LRRC4C: variants seen among roughly 807,000 people sequenced by gnomAD.
LRRC4C encodes the protein leucine rich repeat containing 4C.
Under a neutral mutation model 33.6 loss-of-function variants are expected in LRRC4C, and 5 were observed. That is an observed-to-expected ratio of 0.15 (90% CI 0.08 to 0.31). LRRC4C has a LOEUF of 0.31. LRRC4C is among the 10% of genes least tolerant of loss of function. LRRC4C has a pLI of 1.00. For synonymous variants in LRRC4C, 329 were observed against 302.0 expected, an observed-to-expected ratio of 1.09 and a Z score of -0.93; for missense variants, 560 against 796.7, an observed-to-expected ratio of 0.70 and a Z score of 3.58.
At chr11:40,918,360 A>G (rs754600298) in intron 2 of LRRC4C, among the ~76,000 whole-genome samples, 2 of 151,624 alleles carry the variant, frequency 1.3e-5, no homozygotes, top group Non-Finnish European at 2.9e-5. Context: ...AGAGTGGGAT[A>G]CCTGCAAATG....
intron 1 of LRRC4C, among the ~76,000 whole-genome samples, chr11:41,228,464 G>A (rs1947640917): frequency 6.6e-6 from 1 of 152,100 alleles, no homozygotes; most frequent in African/African-American, 2.4e-5. Flanking sequence ...CATCACGGCT[G>A]TGAGACATCT....
chr11:40,347,770 G>C (rs1020417503), intron 3 of LRRC4C, among the ~76,000 whole-genome samples: 6 of 152,030 alleles, frequency 3.9e-5, no homozygotes, highest in Non-Finnish European at 8.8e-5. Context: ...CACCACACCT[G>C]GCTAATTTTA....
chr11:41,275,552 C>T (rs1264113373), intron 1 of LRRC4C, among the ~76,000 whole-genome samples: 5 of 152,166 alleles, frequency 3.3e-5, no homozygotes, highest in Non-Finnish European at 7.3e-5. Context: ...TTTAAGGCAG[C>T]TCACTGGGAG....
chr11:40,356,969 G>T (rs1947698548), intron 3 of LRRC4C, among the ~76,000 whole-genome samples: 1 of 152,164 alleles, frequency 6.6e-6, no homozygotes. Flanking sequence ...TAAGTAACTT[G>T]TTCAAGGTCA....
intron 3 of LRRC4C, among the ~76,000 whole-genome samples, chr11:40,455,340 T>C (rs1952081593): frequency 6.6e-6 from 1 of 152,206 alleles, no homozygotes; most frequent in Non-Finnish European, 1.5e-5. Flanking sequence ...CCTGTGTCCC[T>C]GCTCTCCAAG....
intron 3 of LRRC4C, among the ~76,000 whole-genome samples, chr11:40,600,942 C>A (rs1303420512): frequency 6.6e-6 from 1 of 152,142 alleles, no homozygotes; most frequent in African/African-American, 2.4e-5. Flanking sequence ...CATTTAGTGT[C>A]TTGTGTAGAA....
intron 3 of LRRC4C, among the ~76,000 whole-genome samples, chr11:40,379,178 C>A (rs1948769449): frequency 6.6e-6 from 1 of 151,910 alleles, no homozygotes. Flanking sequence ...AGTAGGAGAT[C>A]CTAACACAAA....
chr11:40,566,324 G>C (rs945358154), intron 3 of LRRC4C, among the ~76,000 whole-genome samples: 1 of 151,698 alleles, frequency 6.6e-6, no homozygotes, highest in Admixed American at 6.6e-5. Context: ...GACTTTTAGA[G>C]TTGCTCCTCG....
At chr11:40,412,725 C>T (rs1337441409) in intron 3 of LRRC4C, among the ~76,000 whole-genome samples, 1 of 152,038 alleles carries the variant, frequency 6.6e-6, no homozygotes, top group Non-Finnish European at 1.5e-5. Flanking sequence ...CGGAGTTAGG[C>T]TATGAAGGCT....
intron 3 of LRRC4C, among the ~76,000 whole-genome samples, chr11:40,456,654 T>C (rs1384884243): frequency 6.6e-6 from 1 of 151,978 alleles, no homozygotes; most frequent in Non-Finnish European, 1.5e-5. Context: ...CGTCTTTAGA[T>C]TGAAAAAATT....
At chr11:40,688,596 T>C (rs1251211387) in intron 2 of LRRC4C, among the ~76,000 whole-genome samples, 1 of 151,544 alleles carries the variant, frequency 6.6e-6, no homozygotes, top group African/African-American at 2.4e-5. Flanking sequence ...TGGCTGAGAG[T>C]CCGATTGCTG....
chr11:40,165,804 G>A (rs1017638364), intron 5 of LRRC4C, among the ~76,000 whole-genome samples: 1 of 152,116 alleles, frequency 6.6e-6, no homozygotes, highest in South Asian at 2.1e-4. Flanking sequence ...AATTAGCCGG[G>A]CGTGGTGGTG....
chr11:41,268,784 T>G (rs1949230970), intron 1 of LRRC4C, among the ~76,000 whole-genome samples: 1 of 152,016 alleles, frequency 6.6e-6, no homozygotes, highest in Admixed American at 6.6e-5. Context: ...TGCTTGATGC[T>G]GGTAGTAAAC....
rs530122413 is a variant in LRRC4C, at chr11:40,334,824, G to A, written c.-269-15103C>T. ...TCTTTCCTTCTTCCCTCACTCCTGC[G>A]CTACCTAAAAACTGTAGCAGCAACA... On this transcript the variant is annotated intron_variant, in intron 3 of 6. Transcript: ENST00000528697. Among the ~76,000 whole-genome samples, 40 of 151,704 alleles carry A rather than the reference G, an allele frequency of 2.6e-4. No individual in the cohort carries two copies. The South Asian group carries it at 4.0e-3, about 15-fold the overall frequency.
intron 1 of LRRC4C, among the ~76,000 whole-genome samples, chr11:41,100,944 G>A (rs1304417679): frequency 6.6e-6 from 1 of 152,208 alleles, no homozygotes; most frequent in East Asian, 1.9e-4. Context: ...AATGGAAAAA[G>A]GACTCCTTAT....
intron 2 of LRRC4C, among the ~76,000 whole-genome samples, chr11:40,787,695 G>T (rs1247352533): frequency 6.6e-6 from 1 of 152,128 alleles, no homozygotes; most frequent in Non-Finnish European, 1.5e-5. Flanking sequence ...AATTTAAAAA[G>T]ATCCTATTAA....
chr11:41,089,013 C>A (rs1034012810), intron 1 of LRRC4C, among the ~76,000 whole-genome samples: 2 of 152,030 alleles, frequency 1.3e-5, no homozygotes, highest in Admixed American at 6.6e-5. Flanking sequence ...ACACATACGT[C>A]TTTGAAAGTA....
intron 1 of LRRC4C, among the ~76,000 whole-genome samples, chr11:41,079,987 T>A (rs140287364): frequency 5.6e-4 from 86 of 152,284 alleles, no homozygotes; most frequent in African/African-American, 2.0e-3. Context: ...ATTAACCTGT[T>A]TATCATCATC....
chr11:41,234,242 C>T (rs1947925756), intron 1 of LRRC4C, among the ~76,000 whole-genome samples: 1 of 151,876 alleles, frequency 6.6e-6, no homozygotes, highest in Non-Finnish European at 1.5e-5. Context: ...TTTTAATTGA[C>T]AAATGAAATT....
Sources: gnomAD v4.1 joint callset for allele counts (sites outside exome capture counted in the v4.1 genomes callset) on GRCh38, gnomAD v4.1.1 for gene constraint, MANE v1.5 for transcripts, NCBI Gene and HGNC (gene_info 2026-07-23, HGNC 2026-07-21) for gene names.